The following SAMD12 variants were observed in gnomAD, a reference collection of about 807,000 sequenced individuals.
SAMD12 encodes the protein sterile alpha motif domain containing 12, also known as sterile alpha motif domain-containing protein 12.
Under a neutral mutation model 15.0 loss-of-function variants are expected in SAMD12, and 9 were observed. The ratio of observed to expected loss-of-function variants is 0.60; its 90% CI spans 0.36 to 1.05. The LOEUF is 1.05. Ranked by LOEUF, SAMD12 falls within the 50% of genes least tolerant of loss-of-function variation. The probability of loss-of-function intolerance (pLI) is 0.01; values close to 1 mark genes in which losing one functional copy is unlikely to be tolerated. For missense variants in SAMD12, 230 were observed against 234.2 expected (o/e 0.98, Z 0.12); for synonymous variants, 86 against 90.1 (o/e 0.96, Z 0.25).
At chr8:118,348,580 G>T (rs939462424) in intron 4 of SAMD12, among the ~76,000 whole-genome samples, 1 of 151,934 alleles carries the variant, frequency 6.6e-6, no homozygotes, top group African/African-American at 2.4e-5. Context: ...CACCGTGTTC[G>T]CTAGGATGGT....
chr8:118,444,072 T>C (rs77690903), intron 2 of SAMD12, among the ~76,000 whole-genome samples: 2,761 of 152,294 alleles, frequency 0.018, 88 homozygotes, highest in African/African-American at 0.063. Context: ...GATGACTTTC[T>C]CTGATATGCT....
the SAMD12 span, among the ~76,000 whole-genome samples, chr8:118,180,671 C>G: frequency 5.0e-3 from 761 of 151,974 alleles, 7 homozygotes; most frequent in Admixed American, 5.4e-3. Flanking sequence ...CTCCCAGGCT[C>G]AAGCAATCCT....
intron 3 of SAMD12, among the ~76,000 whole-genome samples, chr8:118,393,389 C>T (rs375256549): frequency 6.1e-5 from 9 of 148,558 alleles, no homozygotes; most frequent in African/African-American, 2.0e-4. Context: ...TGTGTATATA[C>T]ATATATATAT....
chr8:118,501,744 C>T (rs1322063865), intron 2 of SAMD12, among the ~76,000 whole-genome samples: 2 of 152,008 alleles, frequency 1.3e-5, no homozygotes, highest in Non-Finnish European at 2.9e-5. Flanking sequence ...GGGCCGGGCG[C>T]GGTGGCTCAT....
At chr8:118,463,527 G>A (rs1344986553) in intron 2 of SAMD12, among the ~76,000 whole-genome samples, 1 of 152,130 alleles carries the variant, frequency 6.6e-6, no homozygotes, top group African/African-American at 2.4e-5. Flanking sequence ...GCTCTGGGAA[G>A]GTGGGACAGG....
At chr8:118,481,113 T>A (rs750282689) in intron 2 of SAMD12, among the ~76,000 whole-genome samples, 9 of 152,164 alleles carry the variant, frequency 5.9e-5, no homozygotes, top group Middle Eastern at 3.4e-3. Flanking sequence ...TGGCTAATTT[T>A]TTTTTTATTT....
intron 2 of SAMD12, among the ~76,000 whole-genome samples, chr8:118,448,342 A>G: frequency 6.6e-6 from 1 of 152,122 alleles, no homozygotes. Context: ...CACACTATAC[A>G]ATTCTGTTAT....
chr8:118,353,591 G>A (rs1818070332), intron 4 of SAMD12, among the ~76,000 whole-genome samples: 1 of 152,152 alleles, frequency 6.6e-6, no homozygotes, highest in Non-Finnish European at 1.5e-5. Context: ...ATGAGAAATA[G>A]ATTTCTGTGG....
At chr8:118,201,498 C>T (rs371968389) in intron 4 of SAMD12, among the ~76,000 whole-genome samples, 43 of 152,288 alleles carry the variant, frequency 2.8e-4, no homozygotes, top group East Asian at 5.8e-4. Context: ...ATGTATCCAT[C>T]GTTCCTCCTA....
At chr8:118,342,293 C>CAAA (rs10677253) in intron 4 of SAMD12, among the ~76,000 whole-genome samples, 91,368 of 142,494 alleles carry the variant, frequency 0.64, 29,063 homozygotes, top group East Asian at 0.78. Flanking sequence ...GACTTTGTCT[C>CAAA]AAAAAAAAAA....
At chr8:118,247,187 T>C (rs1011300058) in intron 4 of SAMD12, among the ~76,000 whole-genome samples, 1 of 152,090 alleles carries the variant, frequency 6.6e-6, no homozygotes, top group Non-Finnish European at 1.5e-5. Context: ...ATCTCACTTA[T>C]ATGTGAAATC....
chr8:118,476,514 A>G (rs1823964961), intron 2 of SAMD12, among the ~76,000 whole-genome samples: 2 of 152,224 alleles, frequency 1.3e-5, no homozygotes, highest in Admixed American at 1.3e-4. Context: ...AGACATCTTT[A>G]ATTCTGCCAA....
At chr8:118,553,693 A>C in intron 2 of SAMD12, among the ~76,000 whole-genome samples, 1 of 151,542 alleles carries the variant, frequency 6.6e-6, no homozygotes. Flanking sequence ...GGATCTAATT[A>C]AACTAAAGAG....
At chr8:118,350,257 C>A (rs1444348002) in intron 4 of SAMD12, among the ~76,000 whole-genome samples, 6 of 152,198 alleles carry the variant, frequency 3.9e-5, no homozygotes, top group Non-Finnish European at 8.8e-5. Flanking sequence ...GACCAAGGTC[C>A]CATAGTAGGG....
chr8:118,552,989 T>A (rs1826395917), intron 2 of SAMD12, among the ~76,000 whole-genome samples: 1 of 151,988 alleles, frequency 6.6e-6, no homozygotes, highest in Admixed American at 6.6e-5. Flanking sequence ...ATGAAGGACC[T>A]CTTCAAGGAG....
At chr8:118,466,095 C>T (rs747290137) in intron 2 of SAMD12, among the ~76,000 whole-genome samples, 5 of 152,164 alleles carry the variant, frequency 3.3e-5, no homozygotes, top group Non-Finnish European at 5.9e-5. Context: ...ATAACTAACA[C>T]GTAGCATAGT....
At chr8:118,175,429 C>G in the SAMD12 span, among the ~76,000 whole-genome samples, 1 of 152,096 alleles carries the variant, frequency 6.6e-6, no homozygotes, top group Non-Finnish European at 1.5e-5. Context: ...GGACATTGCC[C>G]TGGGCAAAGA....
chr8:118,360,677 G>A lies in SAMD12; in HGVS notation c.433+18883C>T, dbSNP rs1818448745. On this transcript the variant is annotated intron_variant, in intron 4 of 4. Coordinates refer to the SAMD12 transcript ENST00000409003. ...CCACGGGGATTTTGCCACAAAGGGT[G>A]GATGATTAAGGAGTTCACATTTATG... is the stretch of plus-strand genomic sequence containing the variant. Among the ~76,000 whole-genome samples, 3 of 152,222 alleles carry A rather than the reference G, an allele frequency of 2.0e-5. 1 individual carries two copies. The South Asian group carries it at 6.2e-4, about 31-fold the overall frequency.
At chr8:118,548,423 A>ACACACACACACACCC (rs1491292990) in intron 2 of SAMD12, among the ~76,000 whole-genome samples, 1 of 125,260 alleles carries the variant, frequency 8.0e-6, no homozygotes, top group African/African-American at 3.0e-5. Flanking sequence ...ACACACACAC[A>ACACACACACACACCC]CCCCATGTGA....
Sources: allele counts gnomAD v4.1 joint callset (sites outside exome capture counted in the v4.1 genomes callset), GRCh38; gene constraint gnomAD v4.1.1; transcripts MANE v1.5; gene names NCBI Gene and HGNC (gene_info 2026-07-23, HGNC 2026-07-21).